Variants in CRACR2A observed in about 807,000 individuals in gnomAD.
CRACR2A encodes the protein calcium release activated channel regulator 2A.
CRACR2A carries 79 observed loss-of-function variants against 90.5 expected under a neutral mutation model. That is an observed-to-expected ratio of 0.87 (90% CI 0.73 to 1.05). The LOEUF is 1.05. Among genes scored for constraint, CRACR2A ranks in the 50% least tolerant of loss-of-function variants. The probability of loss-of-function intolerance (pLI) is 0.00; values close to 1 mark genes in which losing one functional copy is unlikely to be tolerated. For synonymous variants in CRACR2A, 338 were observed against 356.7 expected, an observed-to-expected ratio of 0.95 and a Z score of 0.59; for missense variants, 823 against 897.2, an observed-to-expected ratio of 0.92 and a Z score of 1.06.
At chr12:3,645,988 C>A (rs1305306793) in intron 11 of CRACR2A, among the ~76,000 whole-genome samples, 1 of 151,952 alleles carries the variant, frequency 6.6e-6, no homozygotes. Flanking sequence ...GAGTTGGGCA[C>A]GGGGGTAGGG....
At chr12:3,735,018 C>T (rs1242814695) in intron 1 of CRACR2A, among the ~76,000 whole-genome samples, 1 of 152,094 alleles carries the variant, frequency 6.6e-6, no homozygotes, top group African/African-American at 2.4e-5. Context: ...TTAAATGCTC[C>T]TACCACATAC....
At chr12:3,735,320 G>T (rs1468140620) in intron 1 of CRACR2A, among the ~76,000 whole-genome samples, 1 of 152,192 alleles carries the variant, frequency 6.6e-6, no homozygotes, top group African/African-American at 2.4e-5. Context: ...ACGCAAGCCT[G>T]TGTGGGCACA....
At chr12:3,708,460 A>T (rs573436985) in intron 3 of CRACR2A, among the ~76,000 whole-genome samples, 43 of 152,040 alleles carry the variant, frequency 2.8e-4, no homozygotes, top group Non-Finnish European at 5.0e-4. Flanking sequence ...AGTCTCACTC[A>T]GTCGCCCAGG....
At chr12:3,680,858 G>T (rs1945434139) in intron 4 of CRACR2A, among the ~76,000 whole-genome samples, 2 of 152,200 alleles carry the variant, frequency 1.3e-5, no homozygotes, top group Admixed American at 6.5e-5. Context: ...CTGTAAAGTT[G>T]AATGCAATCA....
intron 4 of CRACR2A, 131 bp downstream of exon 4, chr12:3,696,641 C>T (rs186062295): frequency 6.2e-4 from 824 of 1,331,160 alleles, no homozygotes; most frequent in Non-Finnish European, 6.4e-4. Flanking sequence ...TTGGGCAGAT[C>T]CTTCCTTCCA....
intron 10 of CRACR2A, among the ~76,000 whole-genome samples, chr12:3,649,847 T>C (rs1240096575): frequency 7.3e-6 from 1 of 136,676 alleles, no homozygotes; most frequent in African/African-American, 2.8e-5. Context: ...AAGGAAGGAA[T>C]GAAGGAAGGA....
At chr12:3,696,622 T>C in intron 4 of CRACR2A, 150 bp downstream of exon 4, 1 of 1,140,628 alleles carries the variant, frequency 8.8e-7, no homozygotes, top group Admixed American at 2.5e-5. Context: ...GTCCGGCTCC[T>C]AGTAGAGTTT....
At chr12:3,716,860 T>C (rs1051540182) in intron 2 of CRACR2A, among the ~76,000 whole-genome samples, 1 of 152,206 alleles carries the variant, frequency 6.6e-6, no homozygotes, top group African/African-American at 2.4e-5. Flanking sequence ...CTAGATCCTG[T>C]TCAGATGTTA....
chr12:3,643,856 T>TATATAAATA (rs1478137267), intron 12 of CRACR2A, among the ~76,000 whole-genome samples: 1 of 67,354 alleles, frequency 1.5e-5, no homozygotes, highest in Non-Finnish European at 2.5e-5. Context: ...TATTATATAT[T>TATATAAATA]TATATTATAT....
intron 19 of CRACR2A, among the ~76,000 whole-genome samples, chr12:3,616,357 G>A (rs1269300732): frequency 6.6e-6 from 1 of 152,252 alleles, no homozygotes; most frequent in Non-Finnish European, 1.5e-5. Flanking sequence ...GAATGAATGA[G>A]TGAATTCTTA....
intron 4 of CRACR2A, among the ~76,000 whole-genome samples, chr12:3,687,977 T>G (rs761135446): frequency 6.6e-6 from 1 of 152,232 alleles, no homozygotes; most frequent in African/African-American, 2.4e-5. Flanking sequence ...GTTGGACACA[T>G]GTATGTCTTC....
chr12:3,630,474 C>T (rs755759371), intron 15 of CRACR2A, among the ~76,000 whole-genome samples: 5 of 152,056 alleles, frequency 3.3e-5, no homozygotes, highest in South Asian at 2.1e-4. Context: ...GAACCTGGAC[C>T]GGTGGCCAAG....
intron 7 of CRACR2A, among the ~76,000 whole-genome samples, chr12:3,664,575 G>A (rs992827112): frequency 1.3e-5 from 2 of 151,956 alleles, no homozygotes; most frequent in South Asian, 2.1e-4. Context: ...AACATTCCCC[G>A]TTTATCTTCC....
chr12:3,722,129 C>T (rs1946189729), intron 2 of CRACR2A, among the ~76,000 whole-genome samples: 1 of 152,194 alleles, frequency 6.6e-6, no homozygotes, highest in African/African-American at 2.4e-5. Context: ...ATGGCTTATT[C>T]ATTCTGTAAC....
At position 3,646,343 on chromosome 12, in the gene CRACR2A, C is replaced by T. The variant is rs149963639; in HGVS notation, c.1119-1703G>A. On this transcript the variant is annotated intron_variant, in intron 11 of 19. Coordinates refer to ENST00000440314, the MANE Select transcript of CRACR2A (RefSeq NM_001144958.2). ...CCAGTGGCCTCTGAACAAACCCACA[C>T]TTTTGAAGGGCAAGGGAGGGCACAG... 1.5e-4 allele frequency among the ~76,000 whole-genome samples: 23 copies of T among 152,338 alleles called. No homozygotes were observed. In the East Asian group the frequency reaches 4.2e-3, roughly 28 times the overall value.
At chr12:3,643,872 A>ATATATTATATAGAT (rs1293099213) in intron 12 of CRACR2A, among the ~76,000 whole-genome samples, 1 of 70,594 alleles carries the variant, frequency 1.4e-5, no homozygotes, top group Non-Finnish European at 2.4e-5. Flanking sequence ...TATATATATT[A>ATATATTATATAGAT]TATATATTTA....
chr12:3,616,661 T>G (rs1488666993), intron 19 of CRACR2A, among the ~76,000 whole-genome samples: 2 of 152,232 alleles, frequency 1.3e-5, no homozygotes, highest in Non-Finnish European at 2.9e-5. Context: ...GATTGGCATT[T>G]AAAAAGAGCA....
At position 3,627,524 on chromosome 12, in the gene CRACR2A, A is replaced by G; in HGVS notation, c.1844T>C (p.Phe615Ser). 6.4e-7 allele frequency: 1 copy of G among 1,551,688 alleles called. No homozygotes were observed. Among genetic ancestry groups the G allele is most frequent in the Non-Finnish European group, 8.7e-7 (1 of 1,146,994 alleles). The change falls in exon 17 of 20, where the codon TTC becomes TCC. Residue 615 changes from phenylalanine to serine, a missense_variant. Phe to Ser is a radical substitution (Grantham distance 155). Transcript: ENST00000440314. ...GACGATGACACCATCTGCCTTTCTG[A>G]AGAACTGCTGGGTGATGCACCGGTA... ...ERYRCITQQFFRKADGVIVMY... is the reference protein window; with the variant it reads ...ERYRCITQQFSRKADGVIVMY...
chr12:3,661,217 C>G (rs917065099), intron 7 of CRACR2A, among the ~76,000 whole-genome samples: 1 of 152,146 alleles, frequency 6.6e-6, no homozygotes, highest in Admixed American at 6.5e-5. Flanking sequence ...GAACAATGAA[C>G]AGGAGTCATT....
Sources: gnomAD v4.1 joint callset for allele counts (sites outside exome capture counted in the v4.1 genomes callset) on GRCh38, gnomAD v4.1.1 for gene constraint, MANE v1.5 for transcripts, NCBI Gene and HGNC (gene_info 2026-07-23, HGNC 2026-07-21) for gene names.